Variants in DPP10 observed in about 807,000 individuals in gnomAD.
The protein encoded by DPP10 is dipeptidyl peptidase like 10, also known as inactive dipeptidyl peptidase 10.
A neutral mutation model predicts 120.9 loss-of-function variants in DPP10; 33 were observed. The observed-to-expected ratio is 0.27, with a 90% CI of 0.21 to 0.37. The LOEUF (loss-of-function observed/expected upper bound fraction) is 0.37. DPP10 is among the 10% of genes least tolerant of loss of function. DPP10 has a pLI of 1.00. For missense variants in DPP10, 816 were observed against 942.8 expected, an observed-to-expected ratio of 0.87 and a Z score of 1.76; for synonymous variants, 337 against 326.1, an observed-to-expected ratio of 1.03 and a Z score of -0.36.
At chr2:114,505,466 T>G (rs1683568503) in intron 1 of DPP10, among the ~76,000 whole-genome samples, 1 of 152,076 alleles carries the variant, frequency 6.6e-6, no homozygotes. Context: ...TATGTGTTTT[T>G]TTTTTTAATG....
At chr2:114,950,348 G>A (rs1697687175) in intron 1 of DPP10, among the ~76,000 whole-genome samples, 2 of 140,678 alleles carry the variant, frequency 1.4e-5, no homozygotes, top group African/African-American at 5.3e-5. Flanking sequence ...AGACTGGAGT[G>A]CAGTGGCGCG....
At chr2:115,561,783 A>C (rs1026372309) in intron 5 of DPP10, among the ~76,000 whole-genome samples, 1 of 152,200 alleles carries the variant, frequency 6.6e-6, no homozygotes, top group Non-Finnish European at 1.5e-5. Context: ...GAAAAATACA[A>C]GTTTATATGT....
chr2:115,682,894 A>C (rs931681595), intron 5 of DPP10, among the ~76,000 whole-genome samples: 1 of 151,870 alleles, frequency 6.6e-6, no homozygotes, highest in African/African-American at 2.4e-5. Context: ...AAAATTGCTG[A>C]CACAGTATCT....
chr2:115,499,506 G>A lies in DPP10; in HGVS notation c.272-4G>A. 1.2e-6 allele frequency: 2 copies of A among 1,607,292 alleles called. No individual in the cohort carries two copies. The highest frequency in any genetic ancestry group is 2.2e-5 in the East Asian group (1 of 44,616). ...GTCAATTGTGAATGTCTTTGTTGTT[G>A]CAGATACAGATGTGGTGTATAAAAG... is the stretch of plus-strand genomic sequence containing the variant. On this transcript the variant is annotated splice_polypyrimidine_tract_variant and splice_region_variant and intron_variant, in intron 3 of 25. Coordinates refer to ENST00000410059, the MANE Select transcript of DPP10 (RefSeq NM_020868.6).
intron 1 of DPP10, among the ~76,000 whole-genome samples, chr2:115,293,849 A>G (rs1026160473): frequency 2.0e-5 from 3 of 151,942 alleles, no homozygotes; most frequent in Non-Finnish European, 4.4e-5. Context: ...GTAAATCTCT[A>G]CTCTTGCCGA....
chr2:115,228,506 C>G (rs1465371425), intron 1 of DPP10, among the ~76,000 whole-genome samples: 2 of 152,164 alleles, frequency 1.3e-5, no homozygotes, highest in Non-Finnish European at 1.5e-5. Context: ...TTCAATCCCC[C>G]CTCCAGCCAC....
intron 1 of DPP10, among the ~76,000 whole-genome samples, chr2:114,457,280 T>A (rs1049453600): frequency 1.1e-4 from 16 of 152,208 alleles, no homozygotes; most frequent in African/African-American, 3.9e-4. Context: ...CACTCTTTGC[T>A]GTGGGTCTGT....
chr2:114,920,018 ATAAGTCACACAGCAT>A (rs1312269471), intron 1 of DPP10, among the ~76,000 whole-genome samples: 2 of 152,188 alleles, frequency 1.3e-5, no homozygotes, highest in Admixed American at 6.5e-5. Flanking sequence ...ATTTAGTCAC[ATAAGTCACACAGCAT>A]TAATTTTATA....
At chr2:114,496,465 G>A (rs1481279570) in intron 1 of DPP10, among the ~76,000 whole-genome samples, 1 of 152,118 alleles carries the variant, frequency 6.6e-6, no homozygotes, top group Non-Finnish European at 1.5e-5. Flanking sequence ...AGCAGATTCA[G>A]TGTCTGGTGA....
At position 115,065,935 on chromosome 2, in the gene DPP10, T is replaced by C. The variant is rs79864632; in HGVS notation, c.61-243304T>C. On this transcript the variant is annotated intron_variant, in intron 1 of 25. Transcript: ENST00000410059. ...ATAATCCTTTAAATCTTAAATTGTGTTAATCTCAGCATTTGCAGAGCTATT... is the reference window on the plus strand; with the variant it reads ...ATAATCCTTTAAATCTTAAATTGTGCTAATCTCAGCATTTGCAGAGCTATT... Among the ~76,000 whole-genome samples, 56 of 152,358 alleles carry C rather than the reference T, an allele frequency of 3.7e-4. 2 individuals carry two copies. In the East Asian group the frequency reaches 0.011, roughly 29 times the overall value.
At chr2:115,690,295 T>C (rs1403043126) in intron 7 of DPP10, among the ~76,000 whole-genome samples, 1 of 152,156 alleles carries the variant, frequency 6.6e-6, no homozygotes, top group Non-Finnish European at 1.5e-5. Context: ...AGGGTAAAAA[T>C]TTAGACAGAA....
chr2:115,015,802 G>A (rs1429254558), intron 1 of DPP10, among the ~76,000 whole-genome samples: 2 of 152,078 alleles, frequency 1.3e-5, no homozygotes, highest in Non-Finnish European at 1.5e-5. Context: ...GGGATGTGAA[G>A]GACCTCTTCA....
intron 1 of DPP10, among the ~76,000 whole-genome samples, chr2:114,879,539 G>C (rs1691436480): frequency 6.6e-6 from 1 of 152,108 alleles, no homozygotes; most frequent in South Asian, 2.1e-4. Flanking sequence ...AAAGCAAACA[G>C]TGCACAATTT....
intron 3 of DPP10, among the ~76,000 whole-genome samples, chr2:115,401,280 C>A (rs566629578): frequency 1.3e-5 from 2 of 152,128 alleles, no homozygotes; most frequent in African/African-American, 2.4e-5. Context: ...ACTGGGTGAT[C>A]ACTAAACTAT....
At chr2:115,028,144 G>A (rs959555360) in intron 1 of DPP10, among the ~76,000 whole-genome samples, 2 of 151,908 alleles carry the variant, frequency 1.3e-5, no homozygotes, top group Admixed American at 1.3e-4. Context: ...TACTAATTTA[G>A]GTTTTGGTTT....
chr2:114,858,201 G>A (rs1473739926), intron 1 of DPP10, among the ~76,000 whole-genome samples: 1 of 152,060 alleles, frequency 6.6e-6, no homozygotes, highest in Non-Finnish European at 1.5e-5. Flanking sequence ...TGTTGCCCAG[G>A]CTGGTCTCGA....
At chr2:115,247,459 T>C (rs2058584216) in intron 1 of DPP10, among the ~76,000 whole-genome samples, 2 of 152,112 alleles carry the variant, frequency 1.3e-5, no homozygotes, top group African/African-American at 4.8e-5. Flanking sequence ...TTGAATGATA[T>C]TTATCTCGGA....
chr2:114,765,296 C>A (rs902426031), intron 1 of DPP10, among the ~76,000 whole-genome samples: 1 of 152,072 alleles, frequency 6.6e-6, no homozygotes. Context: ...GTTAAACATA[C>A]CATAGATTCA....
chr2:115,419,883 G>A (rs1376318696), intron 3 of DPP10, among the ~76,000 whole-genome samples: 1 of 152,126 alleles, frequency 6.6e-6, no homozygotes, highest in Non-Finnish European at 1.5e-5. Context: ...TATTTAAGTA[G>A]TATATTAATA....
Sources: allele counts gnomAD v4.1 joint callset (sites outside exome capture counted in the v4.1 genomes callset), GRCh38; gene constraint gnomAD v4.1.1; transcripts MANE v1.5; gene names NCBI Gene and HGNC (gene_info 2026-07-23, HGNC 2026-07-21).